SLC38A12: variants seen among roughly 807,000 people sequenced by gnomAD.
SLC38A12 encodes solute carrier family 38 member 12, also known as putative sodium-coupled neutral amino acid transporter 12.
chr17:74,836,057 G>A, the SLC38A12 span: 3 of 1,613,248 alleles, frequency 1.9e-6, no homozygotes, highest in African/African-American at 1.3e-5. This position sits in a 1 kb window ranked among gnomAD's most constrained non-coding sequence, Gnocchi z 4.2. Flanking sequence ...TCATGTGCCA[G>A]CACTCTCTGC....
At chr17:74,794,944 G>C in the SLC38A12 span, 1 of 1,226,088 alleles carries the variant, frequency 8.2e-7, no homozygotes, top group Non-Finnish European at 1.1e-6. Context: ...TCAAAAAGAA[G>C]AAGAAAAAAA....
the SLC38A12 span, among the ~76,000 whole-genome samples, chr17:74,814,615 C>T: frequency 4.6e-5 from 7 of 152,314 alleles, no homozygotes; most frequent in Admixed American, 6.5e-5. Context: ...CTCTTGCCCA[C>T]ATGCTGCTGG....
chr17:74,807,162 G>A, the SLC38A12 span, among the ~76,000 whole-genome samples: 1 of 134,068 alleles, frequency 7.5e-6, no homozygotes, highest in East Asian at 2.3e-4. Flanking sequence ...GTCACGGCCT[G>A]GCCCACCACG....
At chr17:74,794,965 C>G in the SLC38A12 span, 3 of 1,470,566 alleles carry the variant, frequency 2.0e-6, no homozygotes, top group Non-Finnish European at 2.8e-6. Context: ...AAAAAACATG[C>G]AGACATCTCT....
At chr17:74,794,962 A>G in the SLC38A12 span, 5 of 1,475,444 alleles carry the variant, frequency 3.4e-6, no homozygotes, top group South Asian at 3.6e-5. Context: ...AAAAAAAAAC[A>G]TGCAGACATC....
the SLC38A12 span, among the ~76,000 whole-genome samples, chr17:74,833,001 T>A: frequency 1.3e-5 from 2 of 150,444 alleles, no homozygotes; most frequent in Admixed American, 1.3e-4. Context: ...CCTTTTTTAA[T>A]CACCCATATC....
the SLC38A12 span, among the ~76,000 whole-genome samples, chr17:74,788,287 G>A: frequency 6.6e-6 from 1 of 152,206 alleles, no homozygotes; most frequent in Non-Finnish European, 1.5e-5. Flanking sequence ...CCGGAGCCAA[G>A]TACCCATTTC....
chr17:74,785,215 C>T, the SLC38A12 span, among the ~76,000 whole-genome samples: 1 of 152,174 alleles, frequency 6.6e-6, no homozygotes, highest in South Asian at 2.1e-4. Context: ...TAGGAGGGGA[C>T]GGCAATGATG....
At chr17:74,839,086 C>T in the SLC38A12 span, 6 of 1,534,782 alleles carry the variant, frequency 3.9e-6, no homozygotes. Context: ...CCCACAGAAG[C>T]ACCAGACCCA....
chr17:74,816,735 C>T, the SLC38A12 span, among the ~76,000 whole-genome samples: 1 of 151,712 alleles, frequency 6.6e-6, no homozygotes, highest in South Asian at 2.1e-4. Context: ...GTCTCTGCCT[C>T]CTGTAATGAG....
chr17:74,777,221 T>C, the SLC38A12 span: 1 of 1,282,030 alleles, frequency 7.8e-7, no homozygotes, highest in Non-Finnish European at 1.1e-6. Context: ...CCCACCCCTG[T>C]CTCAGTCCAT....
the SLC38A12 span, among the ~76,000 whole-genome samples, chr17:74,827,274 C>T: frequency 6.6e-6 from 1 of 151,792 alleles, no homozygotes; most frequent in Non-Finnish European, 1.5e-5. This position sits in a 1 kb window ranked among gnomAD's most constrained non-coding sequence, Gnocchi z 4.7. Context: ...CACTCCAACC[C>T]TTCAGCGTCC....
chr17:74,810,983 A>C, the SLC38A12 span, among the ~76,000 whole-genome samples: 5 of 152,220 alleles, frequency 3.3e-5, no homozygotes, highest in Non-Finnish European at 7.3e-5. Context: ...GACTGTCTTA[A>C]AGAGCATTTG....
the SLC38A12 span, among the ~76,000 whole-genome samples, chr17:74,828,883 A>G: frequency 9.2e-5 from 14 of 152,220 alleles, no homozygotes; most frequent in Non-Finnish European, 2.1e-4. Context: ...AATCCTTAGC[A>G]TCTCAGGTGC....
chr17:74,797,951 CT>C, the SLC38A12 span, among the ~76,000 whole-genome samples: 1 of 152,234 alleles, frequency 6.6e-6, no homozygotes, highest in Non-Finnish European at 1.5e-5. Context: ...CCGCTGCCCC[CT>C]GGTCATTCTG....
chr17:74,795,603 C>T, the SLC38A12 span: 7 of 1,613,820 alleles, frequency 4.3e-6, no homozygotes, highest in East Asian at 2.2e-5. Context: ...GGGGCCCCTG[C>T]GCCGAGTGGA....
At chr17:74,795,530 C>T in the SLC38A12 span, 3 of 1,614,014 alleles carry the variant, frequency 1.9e-6, no homozygotes, top group South Asian at 1.1e-5. Context: ...TCAGCAGCGC[C>T]ACTGGCAATG....
At chr17:74,839,369 G>C in the SLC38A12 span, 1 of 477,140 alleles carries the variant, frequency 2.1e-6, no homozygotes, top group South Asian at 3.0e-5. Context: ...AGCCACTGCA[G>C]AGGGGCAGTG....
At chr17:74,807,396 A>G in the SLC38A12 span, among the ~76,000 whole-genome samples, 5 of 152,328 alleles carry the variant, frequency 3.3e-5, no homozygotes, top group East Asian at 3.9e-4. Context: ...GAAGGTTGCA[A>G]TGAGGGAAAC....
Sources: gnomAD v4.1 joint callset for allele counts (sites outside exome capture counted in the v4.1 genomes callset) on GRCh38, gnomAD v4.1.1 for gene constraint, Gnocchi (gnomAD v3.1) non-coding constraint, MANE v1.5 for transcripts, NCBI Gene and HGNC (gene_info 2026-07-23, HGNC 2026-07-21) for gene names.